The following IL12RB1 variants were observed in gnomAD, a reference collection of about 807,000 sequenced individuals.
IL12RB1 encodes interleukin 12 receptor subunit beta 1, also known as interleukin-12 receptor subunit beta-1.
Under a neutral mutation model 94.4 loss-of-function variants are expected in IL12RB1, and 64 were observed. That is an observed-to-expected ratio of 0.68 (90% CI 0.55 to 0.83). The LOEUF is 0.83. Ranked by LOEUF, IL12RB1 falls within the 40% of genes least tolerant of loss-of-function variation. The pLI is 0.00. For synonymous variants in IL12RB1, 362 were observed against 355.5 expected (o/e 1.02, Z -0.21); for missense variants, 814 against 855.6 (o/e 0.95, Z 0.61).
chr19:18,086,718 A>G, intron 1 of IL12RB1, 42 bp downstream of exon 1: 1 of 1,577,566 alleles, frequency 6.3e-7, no homozygotes, highest in South Asian at 1.1e-5. Flanking sequence ...ACGTGCCTCC[A>G]CCCAGCAAGA....
At chr19:18,085,276 G>A (rs1484828664) in intron 1 of IL12RB1, among the ~76,000 whole-genome samples, 1 of 152,074 alleles carries the variant, frequency 6.6e-6, no homozygotes, top group Non-Finnish European at 1.5e-5. Context: ...AGGGGGGAAA[G>A]ATGCTTAACA....
intron 13 of IL12RB1, among the ~76,000 whole-genome samples, chr19:18,063,631 G>C (rs1599452187): frequency 1.3e-5 from 2 of 152,290 alleles, no homozygotes; most frequent in East Asian, 3.9e-4. Context: ...AATAGGAGTT[G>C]GACCGTGTGG....
At chr19:18,081,031 A>G (rs1024474208) in intron 3 of IL12RB1, 30 bp from the exon 4 acceptor site, 2 of 1,603,268 alleles carry the variant, frequency 1.2e-6, no homozygotes, top group Admixed American at 3.3e-5. Flanking sequence ...GTCAGTGCCG[A>G]GTCTGGGGTC....
chr19:18,064,209 G>A (rs1228832873), intron 12 of IL12RB1, among the ~76,000 whole-genome samples, 199 bp from the exon 13 acceptor site: 3 of 136,472 alleles, frequency 2.2e-5, no homozygotes, highest in Non-Finnish European at 3.1e-5. Context: ...GCGCCATCTC[G>A]GCTCACTGCA....
intron 1 of IL12RB1, among the ~76,000 whole-genome samples, chr19:18,086,320 A>T (rs1271447881): frequency 2.0e-5 from 3 of 152,120 alleles, no homozygotes; most frequent in Admixed American, 2.0e-4. Flanking sequence ...ATACTTTACC[A>T]TTTTATATCA....
At chr19:18,081,314 T>C (rs961798689) in intron 3 of IL12RB1, among the ~76,000 whole-genome samples, 1 of 150,734 alleles carries the variant, frequency 6.6e-6, no homozygotes, top group African/African-American at 2.4e-5. Flanking sequence ...CAGGCTGGTC[T>C]CCAACTTCTG....
At chr19:18,078,721 GTACT>G (rs1279137162) in intron 4 of IL12RB1, among the ~76,000 whole-genome samples, 10 of 151,974 alleles carry the variant, frequency 6.6e-5, no homozygotes, top group Non-Finnish European at 8.8e-5. Flanking sequence ...CAGGGAAATC[GTACT>G]TAGTTTTTAG....
At position 18,072,257 on chromosome 19, in the gene IL12RB1, CG is replaced by C; in HGVS notation, c.875del (p.Pro292ArgfsTer37). The part of the protein sequence containing the change: ...YRLQLHMLSC[P>X]CKAKATRTLH... Reference sequence around the variant, plus strand: ...GGGTCCTGGTGGCCTTGGCCTTACACGGGCAGGACAGCATGTGGAGCTGTAG... The same window carrying C: ...GGGTCCTGGTGGCCTTGGCCTTACACGGCAGGACAGCATGTGGAGCTGTAG... On this transcript the variant is annotated frameshift_variant, in exon 9 of 17. Coordinates refer to ENST00000593993, the MANE Select transcript of IL12RB1 (RefSeq NM_005535.3). LOFTEE classifies it high-confidence loss of function. 2 of 1,614,096 alleles carry C rather than the reference CG, an allele frequency of 1.2e-6. No individual in the cohort carries two copies. Among genetic ancestry groups the C allele is most frequent in the Non-Finnish European group, 1.7e-6 (2 of 1,179,962 alleles).
intron 7 of IL12RB1, among the ~76,000 whole-genome samples, chr19:18,073,905 A>G (rs961421329): frequency 4.6e-5 from 7 of 152,140 alleles, no homozygotes; most frequent in African/African-American, 1.2e-4. Context: ...GCTCACTGCA[A>G]TCTCTGCCTT....
chr19:18,076,086 C>A (rs2035456398), intron 6 of IL12RB1, among the ~76,000 whole-genome samples: 1 of 152,226 alleles, frequency 6.6e-6, no homozygotes, highest in South Asian at 2.1e-4. Flanking sequence ...CTGCGGCCAT[C>A]CCTTCGGTCG....
chr19:18,066,593 G>A lies in IL12RB1; in HGVS notation c.1432C>T (p.Leu478=). ...PSLLSTCPGV[L]KEYVVRCRDE... ...CGGCAGCGGACAACATACTCCTTTA[G>A]GACGCCGGGACAGGTGCTCAGCAGG... is the stretch of plus-strand genomic sequence containing the variant. Residue 478 remains leucine, a synonymous_variant, in exon 12 of 17, where the codon CTA becomes TTA. Transcript: ENST00000593993. The A allele has an allele frequency of 1.9e-6, 3 of 1,613,584 alleles. No homozygotes were observed. The highest frequency in any genetic ancestry group is 4.5e-5 in the East Asian group (2 of 44,878).
Position 18,061,189 on chromosome 19 carries a change from C to T in IL12RB1, c.1724G>A (p.Arg575Gln), listed in dbSNP as rs767643297. The T allele has an allele frequency of 7.0e-6, 11 of 1,575,280 alleles. No individual in the cohort carries two copies. The highest frequency in any genetic ancestry group is 6.8e-5 in the East Asian group (3 of 43,880). The change falls in exon 15 of 17, where the codon CGG becomes CAG. Residue 575 changes from arginine to glutamine, a missense_variant. Coordinates refer to ENST00000593993, the MANE Select transcript of IL12RB1 (RefSeq NM_005535.3). Reference sequence around the variant, plus strand: ...TGTGGGCAGCGGCGGGCACAGGTGCCGTGCGGCCCTGGGGAGGAAAGGGGA... The same window carrying T: ...TGTGGGCAGCGGCGGGCACAGGTGCTGTGCGGCCCTGGGGAGGAAAGGGGA... ...LGYLGLNRAA[R>Q]HLCPPLPTPC...
chr19:18,085,438 C>T (rs1207555716), intron 1 of IL12RB1, among the ~76,000 whole-genome samples: 1 of 150,430 alleles, frequency 6.6e-6, no homozygotes, highest in Non-Finnish European at 1.5e-5. Context: ...TGGGCTGCCT[C>T]TCGCCCCCTC....
rs1285692022 is a variant in IL12RB1, at chr19:18,076,399, T to C, written c.550-72A>G. 3 of 794,652 alleles carry C rather than the reference T, an allele frequency of 3.8e-6. No individual in the cohort carries two copies. The African/African-American group carries it at 5.0e-5, about 13-fold the overall frequency. 49.2% of individuals were successfully genotyped at this position (794,652 alleles called of 1,614,324 possible). A position where few individuals can be genotyped will look rare whatever the true frequency, so the allele number is the denominator to read the frequency against. ...AAAATATTTGCTGTTTTACAATTAG[T>C]TATTTATTTACTTATTTATCTGAGA... On this transcript the variant is annotated intron_variant, in intron 5 of 16. Transcript: ENST00000593993.
chr19:18,071,142 G>A (rs141130821), intron 9 of IL12RB1: 81 of 314,098 alleles, frequency 2.6e-4, no homozygotes, highest in African/African-American at 1.5e-3. Context: ...GGAGGCCAAG[G>A]CAGGTGGATC....
In IL12RB1 at chr19:18,066,574, C is replaced by T. The variant is rs199661046; in HGVS notation, c.1451G>A (p.Arg484His). ...CPGVLKEYVV[R>H]CRDEDSKQVS... ...CTGTTTGCTGTCTTCATCTCGGCAG[C>T]GGACAACATACTCCTTTAGGACGCC... The change falls in exon 12 of 17, where the codon CGC (arginine) becomes CAC (histidine). Residue 484 changes from arginine to histidine, a missense_variant. By Grantham distance (29) the Arg-to-His change is conservative (BLOSUM62 0). Coordinates refer to ENST00000593993, the MANE Select transcript of IL12RB1 (RefSeq NM_005535.3). 160 of 1,613,408 alleles carry T rather than the reference C, an allele frequency of 9.9e-5. No individual in the cohort carries two copies. The African/African-American group carries it at 1.5e-3, about 15-fold the overall frequency.
chr19:18,073,736 A>T (rs1348357657), intron 7 of IL12RB1, 137 bp from the exon 8 acceptor site: 1 of 703,590 alleles, frequency 1.4e-6, no homozygotes, highest in Non-Finnish European at 2.6e-6. Flanking sequence ...AAGAGAAAAA[A>T]CTGAAGGAAG....
At chr19:18,059,771 G>T (rs2033983973) in intron 16 of IL12RB1, 123 bp downstream of exon 16, 3 of 727,276 alleles carry the variant, frequency 4.1e-6, no homozygotes, top group Admixed American at 4.0e-5. Flanking sequence ...AAGACAAAGT[G>T]GATGTTTTCG....
At chr19:18,070,075 C>G (rs1259928478) in intron 9 of IL12RB1, among the ~76,000 whole-genome samples, 2 of 152,114 alleles carry the variant, frequency 1.3e-5, no homozygotes, top group Non-Finnish European at 2.9e-5. Context: ...GCCACCATTT[C>G]CTGGCTAATT....
Sources: allele counts gnomAD v4.1 joint callset (sites outside exome capture counted in the v4.1 genomes callset), GRCh38; gene constraint gnomAD v4.1.1; transcripts MANE v1.5; gene names NCBI Gene and HGNC (gene_info 2026-07-23, HGNC 2026-07-21).